Variants in ZNF540 observed in about 807,000 individuals in gnomAD.
The protein encoded by ZNF540 is CTD-3064H18.6.
In ZNF540, 3 loss-of-function variants were observed where a neutral mutation model predicts 11.8. The observed-to-expected ratio is 0.25, with a 90% CI of 0.12 to 0.65. The LOEUF is 0.65. ZNF540 is among the 30% of genes least tolerant of loss of function. The pLI is 0.83. For synonymous variants in ZNF540, 247 were observed against 259.0 expected (o/e 0.95, Z 0.45); for missense variants, 709 against 793.1 (o/e 0.89, Z 1.27).
intron 1 of ZNF540, chr19:37,564,358 C>CAGTT: frequency 2.8e-6 from 1 of 351,738 alleles, no homozygotes; most frequent in Non-Finnish European, 5.1e-6. Flanking sequence ...TATAGGATTT[C>CAGTT]AGTTAGGATA....
chr19:37,599,726 A>G lies in ZNF540; in HGVS notation c.110A>G (p.Glu37Gly), dbSNP rs2147225835. 1.9e-6 allele frequency: 3 copies of G among 1,611,590 alleles called. No individual in the cohort carries two copies. The East Asian group carries it at 6.7e-5, about 36-fold the overall frequency. Residue 37 changes from glutamate (E) to glycine (G), a missense_variant, in exon 3 of 5, where the codon GAG becomes GGG. By Grantham distance (98) the Glu-to-Gly change is moderately conservative. Transcript: ENST00000316433. ...QRKLYRDVML[E>G]NYNNLVSLGY... ...AAATTGTACAGAGATGTGATGTTGGAGAATTATAATAACTTGGTCTCACTG... is the reference window on the plus strand; with the variant it reads ...AAATTGTACAGAGATGTGATGTTGGGGAATTATAATAACTTGGTCTCACTG...
At chr19:37,574,294 C>T (rs1467127601) in intron 1 of ZNF540, among the ~76,000 whole-genome samples, 2 of 152,122 alleles carry the variant, frequency 1.3e-5, no homozygotes, top group Non-Finnish European at 2.9e-5. Flanking sequence ...TAAGAGCTGT[C>T]TATAGTACTC....
exon 1 of ZNF540, chr19:37,551,588 T>C (rs1450910627): frequency 6.6e-6 from 1 of 152,220 alleles, no homozygotes; most frequent in Non-Finnish European, 1.5e-5. Context: ...CCCTATCGGA[T>C]CTCCCCGACG....
At chr19:37,610,490 G>T (rs2044119634) in intron 4 of ZNF540, among the ~76,000 whole-genome samples, 1 of 152,208 alleles carries the variant, frequency 6.6e-6, no homozygotes, top group African/African-American at 2.4e-5. Flanking sequence ...GACATAGACT[G>T]CCTTACAGTC....
chr19:37,574,236 C>T (rs367716292), intron 1 of ZNF540, among the ~76,000 whole-genome samples: 1 of 152,118 alleles, frequency 6.6e-6, no homozygotes, highest in Non-Finnish European at 1.5e-5. Context: ...AAAACCGCAA[C>T]GTATGCTAAC....
Position 37,612,834 on chromosome 19 carries a change from T to G in ZNF540, c.1554T>G (p.Thr518=). The change falls in exon 5 of 5, where the codon ACT becomes ACG. Residue 518 remains threonine, a synonymous_variant. Coordinates refer to ENST00000316433, the MANE Select transcript of ZNF540 (RefSeq NM_001172225.3). ...TTACTGAACACCAGAGAATTCACACTGGTGAAAAGCCCTATAAATGTAAAG... is the reference window on the plus strand; with the variant it reads ...TTACTGAACACCAGAGAATTCACACGGGTGAAAAGCCCTATAAATGTAAAG... The part of the protein sequence containing the change: ...FYLTEHQRIH[T]GEKPYKCKEC... 4 of 1,614,132 alleles carry G rather than the reference T, an allele frequency of 2.5e-6. No homozygotes were observed. Among genetic ancestry groups the G allele is most frequent in the Non-Finnish European group, 3.4e-6 (4 of 1,180,022 alleles).
In ZNF540 at chr19:37,600,993, TTC is replaced by T; in HGVS notation, c.137-15_137-14del. The T allele has an allele frequency of 6.5e-7, 1 of 1,548,474 alleles. No homozygotes were observed. Among genetic ancestry groups the T allele is most frequent in the South Asian group, 1.2e-5 (1 of 83,994 alleles). The stretch of plus-strand genomic sequence containing the variant: ...GTTTTATTTCTATATATTCTTTTAT[TTC>T]TTTCTTGTAAGCAGGATATTCTGGC... On this transcript the variant is annotated splice_polypyrimidine_tract_variant and intron_variant, in intron 3 of 4. Transcript: ENST00000316433.
rs749595917 is a variant in ZNF540, at chr19:37,569,012, A to G, written c.-73+17347A>G. Among the ~76,000 whole-genome samples the G allele has an allele frequency of 1.3e-5, 2 of 151,684 alleles. No individual in the cohort carries two copies. The highest frequency in any genetic ancestry group is 2.4e-5 in the African/African-American group (1 of 41,238). On this transcript the variant is annotated intron_variant, in intron 1 of 4. Coordinates refer to the ZNF540 transcript ENST00000592533. The surrounding 1 kb of genome is among the most constrained non-coding windows in gnomAD (Gnocchi z 4.4). ...CGCTCTGTCATCCAGGCTGGAGTGC[A>G]GTCGTGCCATCTCAGCTCACTGCAA...
chr19:37,583,854 A>G, intron 1 of ZNF540: 1 of 1,067,336 alleles, frequency 9.4e-7, no homozygotes, highest in East Asian at 2.4e-5. Context: ...GGAGCTGTCC[A>G]TTTCTACTTC....
intron 1 of ZNF540, among the ~76,000 whole-genome samples, chr19:37,558,906 A>G (rs1002718933): frequency 6.6e-6 from 1 of 152,136 alleles, no homozygotes; most frequent in African/African-American, 2.4e-5. Context: ...ATGCAGTGGC[A>G]TGATCACAGC....
At chr19:37,580,771 A>G (rs2043427615) in intron 1 of ZNF540, among the ~76,000 whole-genome samples, 2 of 152,172 alleles carry the variant, frequency 1.3e-5, no homozygotes, top group Admixed American at 1.3e-4. Flanking sequence ...ACCTTCCATC[A>G]TGAATGGAAG....
In ZNF540 at chr19:37,601,059, A is replaced by G. The variant is rs753991827; in HGVS notation, c.186A>G (p.Lys62=). 3.1e-6 allele frequency: 5 copies of G among 1,592,932 alleles called. No homozygotes were observed. The highest frequency in any genetic ancestry group is 2.3e-5 in the East Asian group (1 of 43,648). The stretch of plus-strand genomic sequence containing the variant: ...TGATTACCTTACTGGAGCAAGGGAA[A>G]GAGCCCTGCGTGGTGGCGAGGGATG... ...PDVITLLEQG[K]EPCVVARDVT... is the part of the protein sequence containing the mutation. Residue 62 remains lysine (K), a synonymous_variant, in exon 4 of 5, where the codon AAA becomes AAG. Coordinates refer to ENST00000316433, the MANE Select transcript of ZNF540 (RefSeq NM_001172225.3).
intron 1 of ZNF540, among the ~76,000 whole-genome samples, chr19:37,578,671 C>G (rs1240194059): frequency 2.6e-5 from 4 of 151,668 alleles, no homozygotes; most frequent in Non-Finnish European, 4.4e-5. Flanking sequence ...CCCAGCACAG[C>G]GACCCTGTCC....
At chr19:37,584,279 G>A in intron 1 of ZNF540, 1 of 674,794 alleles carries the variant, frequency 1.5e-6, no homozygotes, top group Admixed American at 3.1e-5. Flanking sequence ...AACTTCCTCT[G>A]TACAATAGAA....
At chr19:37,587,830 A>G (rs551316518) in intron 1 of ZNF540, among the ~76,000 whole-genome samples, 78 of 152,224 alleles carry the variant, frequency 5.1e-4, no homozygotes, top group Non-Finnish European at 9.7e-4. Context: ...TTAAGAATAC[A>G]TGGGTTGGCT....
In ZNF540 at chr19:37,596,159, T is replaced by C. The variant is rs2043992540; in HGVS notation, c.-73+1064T>C. Among the ~76,000 whole-genome samples, 3 of 152,230 alleles carry C rather than the reference T, an allele frequency of 2.0e-5. No homozygotes were observed. In the South Asian group the frequency reaches 6.2e-4, roughly 32 times the overall value. Reference sequence around the variant, plus strand: ...TGATAGTCAAGATAGATCATTTCCATCACCTCGAGGATCTGTTGTGTTGCC... The same window carrying C: ...TGATAGTCAAGATAGATCATTTCCACCACCTCGAGGATCTGTTGTGTTGCC... On this transcript the variant is annotated intron_variant, in intron 1 of 4. Coordinates refer to ENST00000316433, the MANE Select transcript of ZNF540 (RefSeq NM_001172225.3).
chr19:37,554,326 T>C (rs1037114580), intron 1 of ZNF540, among the ~76,000 whole-genome samples: 1 of 152,240 alleles, frequency 6.6e-6, no homozygotes, highest in African/African-American at 2.4e-5. Context: ...CAATTTCTTT[T>C]TTCCCTGAGG....
chr19:37,565,810 A>G (rs1174633400), intron 1 of ZNF540: 2 of 1,613,668 alleles, frequency 1.2e-6, no homozygotes, highest in East Asian at 4.5e-5. Flanking sequence ...GATCAGAAGT[A>G]CGACCAAAGG....
chr19:37,583,780 C>A, intron 1 of ZNF540: 1 of 511,138 alleles, frequency 2.0e-6, no homozygotes, highest in South Asian at 3.0e-5. Flanking sequence ...AAGGGAGACA[C>A]TGACAGGAAG....
Sources: allele counts gnomAD v4.1 joint callset (sites outside exome capture counted in the v4.1 genomes callset), GRCh38; gene constraint gnomAD v4.1.1; non-coding constraint Gnocchi (gnomAD v3.1); transcripts MANE v1.5; gene names NCBI Gene and HGNC (gene_info 2026-07-23, HGNC 2026-07-21).